Variants in OLFML1 observed in about 807,000 individuals in gnomAD.
OLFML1 encodes the protein olfactomedin like 1.
A neutral mutation model predicts 37.3 loss-of-function variants in OLFML1; 33 were observed. That is an observed-to-expected ratio of 0.88 (90% CI 0.67 to 1.18). The LOEUF (loss-of-function observed/expected upper bound fraction) is 1.18, where lower values mean the gene tolerates loss of function less well. OLFML1 is among the 50% of genes most tolerant of loss of function. The pLI is 0.00. For synonymous variants in OLFML1, 186 were observed against 181.3 expected, an observed-to-expected ratio of 1.03 and a Z score of -0.21; for missense variants, 545 against 483.7, an observed-to-expected ratio of 1.13 and a Z score of -1.19.
chr11:7,507,674 G>A (rs966992220), intron 2 of OLFML1, among the ~76,000 whole-genome samples: 10 of 151,930 alleles, frequency 6.6e-5, no homozygotes, highest in East Asian at 3.9e-4. Flanking sequence ...TCAGCTTGCC[G>A]GGTAGCTGGG....
intron 2 of OLFML1, among the ~76,000 whole-genome samples, chr11:7,499,942 G>A (rs923005212): frequency 1.3e-5 from 2 of 152,208 alleles, no homozygotes; most frequent in Admixed American, 1.3e-4. Context: ...CCAGGCTAGA[G>A]TATAGCGATG....
chr11:7,488,538 G>T, intron 2 of OLFML1, 123 bp downstream of exon 2: 1 of 738,692 alleles, frequency 1.4e-6, no homozygotes. Context: ...GTGCTTTTGT[G>T]TGCATTGCTG....
At chr11:7,494,892 G>A (rs1358684751) in intron 2 of OLFML1, among the ~76,000 whole-genome samples, 1 of 151,558 alleles carries the variant, frequency 6.6e-6, no homozygotes, top group East Asian at 1.9e-4. Flanking sequence ...TTACAAACAG[G>A]CTGGTTTTAG....
intron 2 of OLFML1, among the ~76,000 whole-genome samples, chr11:7,489,718 A>G: frequency 6.6e-6 from 1 of 152,286 alleles, no homozygotes; most frequent in East Asian, 1.9e-4. Flanking sequence ...ATTGGAATCC[A>G]CATGGCTTTC....
At position 7,488,186 on chromosome 11, in the gene OLFML1, C is replaced by G; in HGVS notation, c.189C>G (p.Phe63Leu). ...TRAYIQEFQE[F>L]SKNISVMLGR... ...CATACATTCAAGAATTCCAAGAGTT[C>G]TCAAAAAATATATCTGTCATGCTGG... Residue 63 changes from phenylalanine (F) to leucine (L), a missense_variant, in exon 2 of 3, where the codon TTC (phenylalanine) becomes TTG (leucine). Physicochemically the swap from Phe to Leu is conservative, Grantham distance 22. Coordinates refer to ENST00000329293, the MANE Select transcript of OLFML1 (RefSeq NM_198474.4). The G allele has an allele frequency of 2.5e-6, 4 of 1,613,666 alleles. No individual in the cohort carries two copies. Among genetic ancestry groups the G allele is most frequent in the Non-Finnish European group, 3.4e-6 (4 of 1,179,746 alleles).
At chr11:7,499,800 G>C (rs535054938) in intron 2 of OLFML1, among the ~76,000 whole-genome samples, 1 of 152,364 alleles carries the variant, frequency 6.6e-6, no homozygotes, top group African/African-American at 2.4e-5. Context: ...CATTAGAAAA[G>C]AAGAGTAGAG....
intron 1 of OLFML1, 57 bp from the exon 2 acceptor site, chr11:7,488,070 T>C (rs1848545899): frequency 1.6e-6 from 2 of 1,235,742 alleles, no homozygotes; most frequent in Non-Finnish European, 2.3e-6. Context: ...GGTATTTATA[T>C]TATTTGGGTA....
intron 2 of OLFML1, among the ~76,000 whole-genome samples, chr11:7,497,406 T>A (rs533053288): frequency 2.9e-4 from 44 of 152,248 alleles, no homozygotes; most frequent in South Asian, 2.1e-3. Flanking sequence ...GCAGACAGAA[T>A]ATAATAAGTA....
At chr11:7,499,485 T>C (rs1274510424) in intron 2 of OLFML1, among the ~76,000 whole-genome samples, 1 of 152,232 alleles carries the variant, frequency 6.6e-6, no homozygotes, top group African/African-American at 2.4e-5. Context: ...AGAAAAGGAA[T>C]TTATAAAACT....
In OLFML1 at chr11:7,485,826, C is replaced by T. The variant is rs1848513604; in HGVS notation, c.-50C>T. 3 of 1,596,972 alleles carry T rather than the reference C, an allele frequency of 1.9e-6. No homozygotes were observed. ...GCACCACCGGAGCCCTTGAGACATCCTTGAGAAGAGCCACAGCATAAGAGA... is the reference window on the plus strand; with the variant it reads ...GCACCACCGGAGCCCTTGAGACATCTTTGAGAAGAGCCACAGCATAAGAGA... On this transcript the variant is annotated 5_prime_UTR_variant, in exon 1 of 3. Transcript: ENST00000329293.
rs935206153 is a variant in OLFML1 at position 7,510,175 on chromosome 11, T to G, written c.1196T>G (p.Leu399Arg). The G allele has an allele frequency of 4.4e-6, 7 of 1,606,300 alleles. No homozygotes were observed. In the African/African-American group the frequency reaches 8.0e-5, roughly 18 times the overall value. Residue 399 changes from leucine to arginine, a missense_variant, in exon 3 of 3, where the codon CTG (leucine) becomes CGG (arginine). Leu to Arg is a moderately radical substitution (Grantham distance 102). Transcript: ENST00000329293. The part of the protein sequence containing the change: ...IIYKLQTKRK[L>R]PLK ...TACAAACTCCAGACAAAGAGAAAGC[T>G]GCCTCTGAAGTAATGCATTACAGCT...
rs200547210 is a variant in OLFML1 at position 7,509,939 on chromosome 11, A to G, written c.960A>G (p.Ser320=). The part of the protein sequence containing the change: ...TPCRSQDAEA[S]FLLCGVLYVV... Reference sequence around the variant, plus strand: ...GCAGAAGCCAGGATGCTGAAGCCTCATTCCTCTTGTGTGGGGTTCTCTATG... The same window carrying G: ...GCAGAAGCCAGGATGCTGAAGCCTCGTTCCTCTTGTGTGGGGTTCTCTATG... The change falls in exon 3 of 3, where the codon TCA becomes TCG. Residue 320 remains serine (S), a synonymous_variant. Coordinates refer to ENST00000329293, the MANE Select transcript of OLFML1 (RefSeq NM_198474.4). 2.1e-4 allele frequency: 331 copies of G among 1,614,154 alleles called. 10 individuals are homozygous for G. In the East Asian group the frequency reaches 7.3e-3, roughly 36 times the overall value.
At chr11:7,505,666 C>T (rs1848776397) in intron 2 of OLFML1, among the ~76,000 whole-genome samples, 1 of 151,976 alleles carries the variant, frequency 6.6e-6, no homozygotes, top group African/African-American at 2.4e-5. Flanking sequence ...CTCATCATTG[C>T]AAAAAATAAA....
Position 7,509,774 on chromosome 11 carries a change from C to T in OLFML1, c.795C>T (p.Ser265=), listed in dbSNP as rs1416859208. ...GVGRALVYQH[S]PSTYIDLAVD... is the part of the protein sequence containing the mutation. ...GCCGAGCATTGGTTTACCAGCACTCCCCCTCAACTTACATTGACCTGGCTG... is the reference window on the plus strand; with the variant it reads ...GCCGAGCATTGGTTTACCAGCACTCTCCCTCAACTTACATTGACCTGGCTG... Residue 265 remains serine (S), a synonymous_variant, in exon 3 of 3, where the codon TCC becomes TCT. Transcript: ENST00000329293. 3 of 1,614,216 alleles carry T rather than the reference C, an allele frequency of 1.9e-6. No homozygotes were observed. The highest frequency in any genetic ancestry group is 2.2e-5 in the South Asian group (2 of 91,082).
Position 7,488,237 on chromosome 11 carries a change from G to T in OLFML1, c.240G>T (p.Glu80Asp). 6.2e-7 allele frequency: 1 copy of T among 1,614,046 alleles called. No individual in the cohort carries two copies. The highest frequency in any genetic ancestry group is 8.5e-7 in the Non-Finnish European group (1 of 1,179,978). The change falls in exon 2 of 3, where the codon GAG becomes GAT. Residue 80 changes from glutamate (E) to aspartate (D), a missense_variant. Physicochemically the swap from Glu to Asp is conservative, Grantham distance 45. Transcript: ENST00000329293. ...GAAGATGTCAGACCTACACAAGTGA[G>T]TACAAGAGTGCAGTGGGTAACTTGG... ...MLGRCQTYTS[E>D]YKSAVGNLAL...
intron 1 of OLFML1, 22 bp from the exon 2 acceptor site, chr11:7,488,105 C>G (rs1442211273): frequency 3.8e-6 from 6 of 1,569,720 alleles, no homozygotes; most frequent in Non-Finnish European, 5.2e-6. Flanking sequence ...CAATAATTTG[C>G]AAATTTATTT....
At chr11:7,499,894 G>A (rs1848701518) in intron 2 of OLFML1, among the ~76,000 whole-genome samples, 1 of 152,092 alleles carries the variant, frequency 6.6e-6, no homozygotes, top group Admixed American at 6.6e-5. Context: ...TTGCTTTGTT[G>A]TTGTTGTTTG....
chr11:7,506,613 C>G (rs1848788519), intron 2 of OLFML1, among the ~76,000 whole-genome samples: 2 of 152,042 alleles, frequency 1.3e-5, no homozygotes, highest in African/African-American at 2.4e-5. Flanking sequence ...CATCGGAGAC[C>G]CCTTATGTGT....
intron 1 of OLFML1, among the ~76,000 whole-genome samples, chr11:7,487,871 C>T (rs1267963155): frequency 1.3e-5 from 2 of 151,844 alleles, no homozygotes; most frequent in East Asian, 3.9e-4. Context: ...AAAGATGATA[C>T]AAAACATATA....
Sources: allele counts gnomAD v4.1 joint callset (sites outside exome capture counted in the v4.1 genomes callset), GRCh38; gene constraint gnomAD v4.1.1; transcripts MANE v1.5; gene names NCBI Gene and HGNC (gene_info 2026-07-23, HGNC 2026-07-21).